The following ALOX5 variants were observed in gnomAD, a reference collection of about 807,000 sequenced individuals.
ALOX5 encodes arachidonate 5-lipoxygenase.
Under a neutral mutation model 87.9 loss-of-function variants are expected in ALOX5, and 64 were observed. The observed-to-expected ratio is 0.73, with a 90% confidence interval of 0.60 to 0.90. The LOEUF is 0.90. Among genes scored for constraint, ALOX5 ranks in the 40% least tolerant of loss-of-function variants. The probability of loss-of-function intolerance (pLI) is 0.00; values close to 1 mark genes in which losing one functional copy is unlikely to be tolerated. For missense variants in ALOX5, 822 were observed against 907.5 expected (o/e 0.91, Z 1.21); for synonymous variants, 388 against 355.1 (o/e 1.09, Z -1.04).
At chr10:45,412,098 G>A in intron 3 of ALOX5, 93 bp from the exon 4 acceptor site, 1 of 1,553,230 alleles carries the variant, frequency 6.4e-7, no homozygotes, top group Non-Finnish European at 8.8e-7. Flanking sequence ...ATCTCCCTGT[G>A]TAACATCGTC....
chr10:45,388,472 G>A (rs562103945), intron 2 of ALOX5, among the ~76,000 whole-genome samples: 2 of 152,354 alleles, frequency 1.3e-5, no homozygotes, highest in East Asian at 3.9e-4. Context: ...CACATGGCCA[G>A]GTACACCTCT....
rs1308428335 is a variant in ALOX5 at position 45,425,465 on chromosome 10, G to C, written c.834+333G>C. Among the ~76,000 whole-genome samples, 1 of 152,176 alleles carries C rather than the reference G, an allele frequency of 6.6e-6. No homozygotes were observed. The highest frequency in any genetic ancestry group is 2.4e-5 in the African/African-American group (1 of 41,434). On this transcript the variant is annotated intron_variant, in intron 6 of 13. Transcript: ENST00000374391. This position sits in a 1 kb window ranked among gnomAD's most constrained non-coding sequence, Gnocchi z 4.4. ...TGGTGGGACAGGCATTGTGACAGGT[G>C]CTTTACACACAAGGTCATCAGTTGT...
Position 45,443,449 on chromosome 10 carries a change from G to T in ALOX5, c.1485G>T (p.Glu495Asp). ...FTAEVVDIYY[E>D]GDQVVEEDPE... is the part of the protein sequence containing the mutation. The stretch of plus-strand genomic sequence containing the variant: ...CCGAGGTGGTAGACATCTACTACGA[G>T]GGCGACCAGGTGGTGGAGGAGGACC... Residue 495 changes from glutamate (E) to aspartate (D), a missense_variant, in exon 11 of 14, where the codon GAG becomes GAT. Coordinates refer to ENST00000374391, the MANE Select transcript of ALOX5 (RefSeq NM_000698.5). 6 of 1,611,342 alleles carry T rather than the reference G, an allele frequency of 3.7e-6. No individual in the cohort carries two copies. The highest frequency in any genetic ancestry group is 1.3e-5 in the African/African-American group (1 of 75,010).
intron 8 of ALOX5, 80 bp downstream of exon 8, chr10:45,440,713 G>A (rs1337533877): frequency 1.4e-6 from 2 of 1,461,330 alleles, no homozygotes; most frequent in South Asian, 1.2e-5. Context: ...ATCCCACAGG[G>A]GGACCTGTGG....
At chr10:45,412,143 A>G in intron 3 of ALOX5, 48 bp from the exon 4 acceptor site, 1 of 1,612,572 alleles carries the variant, frequency 6.2e-7, no homozygotes, top group Non-Finnish European at 8.5e-7. Context: ...GAGGGGGCAG[A>G]CCAAAGGCTG....
chr10:45,395,106 G>C (rs1840449208), intron 2 of ALOX5, among the ~76,000 whole-genome samples: 1 of 152,162 alleles, frequency 6.6e-6, no homozygotes, highest in Admixed American at 6.5e-5. Flanking sequence ...CCATTACTGG[G>C]TATATACCCA....
chr10:45,390,187 A>G (rs1477627561), intron 2 of ALOX5, among the ~76,000 whole-genome samples: 1 of 152,254 alleles, frequency 6.6e-6, no homozygotes, highest in African/African-American at 2.4e-5. Flanking sequence ...CCAGATTTAT[A>G]AAGCAAGTCC....
intron 2 of ALOX5, among the ~76,000 whole-genome samples, chr10:45,391,528 TGAG>T (rs1226141209): frequency 1.3e-5 from 2 of 151,898 alleles, no homozygotes; most frequent in Non-Finnish European, 2.9e-5. Context: ...GTCTGGGAAG[TGAG>T]GAGCGTCTCT....
intron 2 of ALOX5, among the ~76,000 whole-genome samples, chr10:45,390,668 A>G (rs1048863638): frequency 1.3e-5 from 2 of 152,232 alleles, no homozygotes; most frequent in Non-Finnish European, 2.9e-5. Flanking sequence ...AACATACCAG[A>G]ATCTCTGGGA....
rs1841668655 is a variant in ALOX5 at position 45,425,369 on chromosome 10, T to G, written c.834+237T>G. The stretch of plus-strand genomic sequence containing the variant: ...AATGTTTCTCCATGATGCTCGAGTC[T>G]GGGAACATAATGTCAATATTTTCAC... On this transcript the variant is annotated intron_variant, in intron 6 of 13. Transcript: ENST00000374391. This position sits in a 1 kb window ranked among gnomAD's most constrained non-coding sequence, Gnocchi z 4.4. Among the ~76,000 whole-genome samples, 1 of 152,222 alleles carries G rather than the reference T, an allele frequency of 6.6e-6. No individual in the cohort carries two copies. The highest frequency in any genetic ancestry group is 2.1e-4 in the South Asian group (1 of 4,836).
chr10:45,439,347 G>A (rs61854092), intron 7 of ALOX5, among the ~76,000 whole-genome samples: 26,385 of 152,118 alleles, frequency 0.17, 2,411 homozygotes, highest in Middle Eastern at 0.19. Context: ...TCCCTCCCCA[G>A]CCATGACCAC....
At chr10:45,377,405 C>G (rs1839656665) in intron 1 of ALOX5, among the ~76,000 whole-genome samples, 1 of 151,562 alleles carries the variant, frequency 6.6e-6, no homozygotes, top group Non-Finnish European at 1.5e-5. Flanking sequence ...TTTCTGCTCT[C>G]TACCCTACAA....
At chr10:45,379,704 G>A (rs1452555694) in intron 1 of ALOX5, among the ~76,000 whole-genome samples, 6 of 152,214 alleles carry the variant, frequency 3.9e-5, no homozygotes, top group Non-Finnish European at 8.8e-5. Context: ...TGCCTCTGGA[G>A]AAAGGAGGCC....
At chr10:45,411,039 G>A (rs1289416382) in intron 3 of ALOX5, among the ~76,000 whole-genome samples, 8 of 152,230 alleles carry the variant, frequency 5.3e-5, no homozygotes, top group Non-Finnish European at 1.5e-5. Flanking sequence ...CCAGGAGAGG[G>A]GTGGGCAATT....
chr10:45,424,020 G>A, intron 4 of ALOX5, 21 bp from the exon 5 acceptor site: 1 of 1,595,464 alleles, frequency 6.3e-7, no homozygotes, highest in Non-Finnish European at 8.6e-7. Flanking sequence ...TGCGCAAGGT[G>A]ACCTCTCTCC....
At position 45,443,423 on chromosome 10, in the gene ALOX5, G is replaced by A. The variant is rs199542576; in HGVS notation, c.1459G>A (p.Ala487Thr). The A allele has an allele frequency of 6.2e-7, 1 of 1,604,438 alleles. No individual in the cohort carries two copies. The highest frequency in any genetic ancestry group is 2.2e-5 in the East Asian group (1 of 44,538). Reference protein sequence around the residue: ...LVWEAIRTFTAEVVDIYYEGD... With the variant: ...LVWEAIRTFTTEVVDIYYEGD... ...CTGCGCCCCCTGAGCCAGGTTCACGGCCGAGGTGGTAGACATCTACTACGA... is the reference window on the plus strand; with the variant it reads ...CTGCGCCCCCTGAGCCAGGTTCACGACCGAGGTGGTAGACATCTACTACGA... The change falls in exon 11 of 14, where the codon GCC becomes ACC. Residue 487 changes from alanine (A) to threonine (T), a missense_variant. By Grantham distance (58) the Ala-to-Thr change is moderately conservative. Transcript: ENST00000374391.
At chr10:45,387,549 G>A (rs2132690646) in intron 2 of ALOX5, among the ~76,000 whole-genome samples, 1 of 152,326 alleles carries the variant, frequency 6.6e-6, no homozygotes, top group East Asian at 1.9e-4. Context: ...TTAGGTCCCT[G>A]AAGAGTCTTG....
chr10:45,432,898 C>T (rs972244829), intron 7 of ALOX5, among the ~76,000 whole-genome samples: 1 of 152,140 alleles, frequency 6.6e-6, no homozygotes, highest in Non-Finnish European at 1.5e-5. Flanking sequence ...GTAACCATAA[C>T]AGAAGTGACA....
chr10:45,415,602 A>C (rs934257243), intron 4 of ALOX5, among the ~76,000 whole-genome samples: 2 of 152,166 alleles, frequency 1.3e-5, no homozygotes, highest in African/African-American at 4.8e-5. Flanking sequence ...ACATACACGG[A>C]AAAAAGGAAC....
Sources: gnomAD v4.1 joint callset for allele counts (sites outside exome capture counted in the v4.1 genomes callset) on GRCh38, gnomAD v4.1.1 for gene constraint, Gnocchi (gnomAD v3.1) non-coding constraint, MANE v1.5 for transcripts, NCBI Gene and HGNC (gene_info 2026-07-23, HGNC 2026-07-21) for gene names.